The following CCDC186 variants were observed in gnomAD, a reference collection of about 807,000 sequenced individuals.
CCDC186 encodes the protein coiled-coil domain containing 186.
A neutral mutation model predicts 113.7 loss-of-function variants in CCDC186; 49 were observed. The ratio of observed to expected loss-of-function variants is 0.43; its 90% CI spans 0.34 to 0.55. The LOEUF is 0.55. Ranked by LOEUF, CCDC186 falls within the 20% of genes least tolerant of loss-of-function variation. The pLI is 0.02. For synonymous variants in CCDC186, 355 were observed against 345.8 expected (o/e 1.03, Z -0.30); for missense variants, 890 against 1,011.1 (o/e 0.88, Z 1.62).
chr10:114,127,980 G>T (rs1001115119), intron 13 of CCDC186, among the ~76,000 whole-genome samples: 2 of 152,146 alleles, frequency 1.3e-5, no homozygotes, highest in Non-Finnish European at 2.9e-5. Flanking sequence ...AGGAAGGGAG[G>T]AGAGGAACAG....
intron 2 of CCDC186, among the ~76,000 whole-genome samples, chr10:114,159,486 T>A (rs1301113148): frequency 2.0e-5 from 3 of 150,964 alleles, no homozygotes; most frequent in Non-Finnish European, 4.4e-5. Flanking sequence ...CTACTAAAAA[T>A]ACAAAAATTA....
Position 114,123,533 on chromosome 10 carries a change from C to T in CCDC186, c.*1610G>A, listed in dbSNP as rs1414296008. The T allele has an allele frequency of 6.6e-6, 1 of 152,158 alleles. No homozygotes were observed. The highest frequency in any genetic ancestry group is 1.5e-5 in the Non-Finnish European group (1 of 68,022). 9.4% of individuals were successfully genotyped at this position (152,158 alleles called of 1,614,324 possible). On this transcript the variant is annotated 3_prime_UTR_variant, in exon 16 of 16. Coordinates refer to ENST00000369287, the MANE Select transcript of CCDC186 (RefSeq NM_018017.4). The stretch of plus-strand genomic sequence containing the variant: ...AGGCTTTTAATCCATCATCCCAAAA[C>T]TTAATTCCCTTAATGGGAGAAAAAG...
Position 114,163,275 on chromosome 10 carries a change from T to G in CCDC186, c.-7A>C, listed in dbSNP as rs906588296. Reference sequence around the variant, plus strand: ...TGTGGTCTGTCTCTGACATGCTGACTGGCACCAATTCACTTTGTAATTCTT... The same window carrying G: ...TGTGGTCTGTCTCTGACATGCTGACGGGCACCAATTCACTTTGTAATTCTT... On this transcript the variant is annotated 5_prime_UTR_variant, in exon 2 of 16. Transcript: ENST00000369287. 7.5e-6 allele frequency: 12 copies of G among 1,599,790 alleles called. No individual in the cohort carries two copies. Among genetic ancestry groups the G allele is most frequent in the Non-Finnish European group, 9.3e-6 (11 of 1,177,388 alleles).
intron 3 of CCDC186, among the ~76,000 whole-genome samples, chr10:114,155,080 G>C (rs2031971330): frequency 6.6e-6 from 1 of 152,170 alleles, no homozygotes; most frequent in Non-Finnish European, 1.5e-5. Flanking sequence ...CAGGGTTGAG[G>C]GAGTACTGTT....
chr10:114,167,188 T>C (rs993950065), intron 1 of CCDC186, among the ~76,000 whole-genome samples: 1 of 152,020 alleles, frequency 6.6e-6, no homozygotes, highest in African/African-American at 2.4e-5. Flanking sequence ...GCCCAGCTAA[T>C]TTTTGTATTT....
chr10:114,136,892 G>A (rs1424760937), intron 7 of CCDC186, among the ~76,000 whole-genome samples: 3 of 152,108 alleles, frequency 2.0e-5, no homozygotes, highest in African/African-American at 7.2e-5. Context: ...ACTGAGGCGG[G>A]TGGCTCCCGA....
At chr10:114,156,218 T>C (rs1024117116) in intron 3 of CCDC186, among the ~76,000 whole-genome samples, 29 of 152,226 alleles carry the variant, frequency 1.9e-4, no homozygotes, top group Non-Finnish European at 7.3e-5. Context: ...CTTCCAATCA[T>C]GCATCAAGTG....
Position 114,127,447 on chromosome 10 carries a change from G to A in CCDC186, c.2393+14C>T, listed in dbSNP as rs200228945. 6.0e-5 allele frequency: 97 copies of A among 1,609,560 alleles called. No homozygotes were observed. Among genetic ancestry groups the A allele is most frequent in the Middle Eastern group, 5.1e-4 (3 of 5,890 alleles). On this transcript the variant is annotated intron_variant, in intron 14 of 15. Coordinates refer to ENST00000369287, the MANE Select transcript of CCDC186 (RefSeq NM_018017.4). ...TATTTTGAAGACCGATCATGCTACCGTAATAATACATACTTTGTTTTTTTC... is the reference window on the plus strand; with the variant it reads ...TATTTTGAAGACCGATCATGCTACCATAATAATACATACTTTGTTTTTTTC...
chr10:114,129,201 C>T (rs1348487079), intron 13 of CCDC186, among the ~76,000 whole-genome samples: 7 of 151,920 alleles, frequency 4.6e-5, no homozygotes, highest in Non-Finnish European at 1.0e-4. Flanking sequence ...GTGGCAAGTG[C>T]CTATAGTTCC....
In CCDC186 at chr10:114,162,679, C is replaced by T; in HGVS notation, c.590G>A (p.Cys197Tyr). 6.2e-7 allele frequency: 1 copy of T among 1,601,016 alleles called. No homozygotes were observed. The change falls in exon 2 of 16, where the codon TGT becomes TAT. Residue 197 changes from cysteine to tyrosine, a missense_variant. Physicochemically the swap from Cys to Tyr is radical, Grantham distance 194 (BLOSUM62 -2). Coordinates refer to ENST00000369287, the MANE Select transcript of CCDC186 (RefSeq NM_018017.4). ...CTGCTGCAAATATTTATCTTGCACACACTTTTCAAACAGAACTAATGCATG... is the reference window on the plus strand; with the variant it reads ...CTGCTGCAAATATTTATCTTGCACATACTTTTCAAACAGAACTAATGCATG... ...GEHALVLFEK[C>Y]VQDKYLQQEH...
chr10:114,165,134 T>C (rs1255709301), intron 1 of CCDC186, among the ~76,000 whole-genome samples: 1 of 152,248 alleles, frequency 6.6e-6, no homozygotes, highest in Non-Finnish European at 1.5e-5. Context: ...GGGCATCAAC[T>C]AAGACAGCCA....
intron 12 of CCDC186, 185 bp downstream of exon 12, chr10:114,130,962 A>G: frequency 4.6e-6 from 2 of 439,512 alleles, no homozygotes; most frequent in Non-Finnish European, 7.8e-6. Context: ...GTCCTTTAGC[A>G]TACAAGATAT....
Position 114,144,426 on chromosome 10 carries a change from A to ACAAAAAC in CCDC186, c.1221+70_1221+71insGTTTTTG, listed in dbSNP as rs71303586. ...GAAAGAGCGAGACTCCGTCTCAAAA[A>ACAAAAAC]AAAAACAAAAACAAAAACAAAAACA... On this transcript the variant is annotated intron_variant, in intron 6 of 15. Coordinates refer to ENST00000369287, the MANE Select transcript of CCDC186 (RefSeq NM_018017.4). The ACAAAAAC allele has an allele frequency of 2.8e-4, 433 of 1,539,992 alleles. 4 individuals are homozygous for ACAAAAAC. The African/African-American group carries it at 4.8e-3, about 17-fold the overall frequency.
intron 8 of CCDC186, 62 bp from the exon 9 acceptor site, chr10:114,136,039 T>C: frequency 1.3e-6 from 2 of 1,529,772 alleles, no homozygotes; most frequent in Non-Finnish European, 1.8e-6. Flanking sequence ...TAAGATTTAT[T>C]GCCTGTTCCT....
At chr10:114,167,229 C>T (rs1037181791) in intron 1 of CCDC186, among the ~76,000 whole-genome samples, 2 of 151,888 alleles carry the variant, frequency 1.3e-5, no homozygotes, top group East Asian at 3.9e-4. Context: ...CCATGTTGGC[C>T]AGGATGGTCT....
rs1231593007 is a variant in CCDC186 at position 114,162,648 on chromosome 10, A to G, written c.621T>C (p.His207=). 1.3e-6 allele frequency: 2 copies of G among 1,567,708 alleles called. No individual in the cohort carries two copies. The highest frequency in any genetic ancestry group is 1.7e-6 in the Non-Finnish European group (2 of 1,161,644). The change falls in exon 2 of 16, where the codon CAT becomes CAC. Residue 207 remains histidine, a synonymous_variant. Transcript: ENST00000369287. Reference sequence around the variant, plus strand: ...TATAAAAAACTTACTTTTTTATGATATGTTCCTGCTGCAAATATTTATCTT... The same window carrying G: ...TATAAAAAACTTACTTTTTTATGATGTGTTCCTGCTGCAAATATTTATCTT... ...CVQDKYLQQE[H]IIKKLIKENK...
At chr10:114,126,503 T>C (rs2030905942) in intron 14 of CCDC186, among the ~76,000 whole-genome samples, 1 of 152,072 alleles carries the variant, frequency 6.6e-6, no homozygotes, top group African/African-American at 2.4e-5. Context: ...ACCACAGACA[T>C]GTACCACCAT....
At position 114,131,252 on chromosome 10, in the gene CCDC186, C is replaced by T. The variant is rs2031076519; in HGVS notation, c.1996G>A (p.Val666Ile). 1.9e-6 allele frequency: 3 copies of T among 1,603,392 alleles called. No homozygotes were observed. Among genetic ancestry groups the T allele is most frequent in the Non-Finnish European group, 2.6e-6 (3 of 1,175,500 alleles). Residue 666 changes from valine to isoleucine, a missense_variant, in exon 12 of 16, where the codon GTT (valine) becomes ATT (isoleucine). Transcript: ENST00000369287. ...TCTACCTGGGTACTCAATGCTTTAA[C>T]TTCTGTTTGTCTACAAGCGAGTTCA... ...QAELACRQTE[V>I]KALSTQVEEL... is the part of the protein sequence containing the mutation.
chr10:114,131,825 G>A, intron 11 of CCDC186, 104 bp downstream of exon 11: 1 of 976,714 alleles, frequency 1.0e-6, no homozygotes, highest in Non-Finnish European at 1.4e-6. Flanking sequence ...GAAAGTCAGT[G>A]TCCAGGAAAG....
Sources: allele counts gnomAD v4.1 joint callset (sites outside exome capture counted in the v4.1 genomes callset), GRCh38; gene constraint gnomAD v4.1.1; transcripts MANE v1.5; gene names NCBI Gene and HGNC (gene_info 2026-07-23, HGNC 2026-07-21).